The following DIAPH2 variants were observed in gnomAD, a reference collection of about 807,000 sequenced individuals.
DIAPH2 encodes diaphanous related formin 2.
A neutral mutation model predicts 92.7 loss-of-function variants in DIAPH2; 35 were observed. That is an observed-to-expected ratio of 0.38 (90% CI 0.29 to 0.50). DIAPH2 has a LOEUF of 0.50. Ranked by LOEUF, DIAPH2 falls within the 20% of genes least tolerant of loss-of-function variation. DIAPH2 has a pLI of 0.94. For missense variants in DIAPH2, 701 were observed against 819.5 expected (o/e 0.86, Z 1.77); for synonymous variants, 301 against 280.4 (o/e 1.07, Z -0.73).
intron 26 of DIAPH2, among the ~76,000 whole-genome samples, chrX:97,567,499 G>A (rs2071335650): frequency 8.9e-6 from 1 of 112,080 alleles, no homozygotes; most frequent in African/African-American, 3.2e-5. Flanking sequence ...TATGCTGAAT[G>A]AACTGAAGAT....
At chrX:97,032,542 A>G (rs1407245599) in intron 17 of DIAPH2, among the ~76,000 whole-genome samples, 1 of 110,067 alleles carries the variant, frequency 9.1e-6, no homozygotes, top group Non-Finnish European at 1.9e-5. Flanking sequence ...TAATAATAAT[A>G]GCCATTATCT....
intron 26 of DIAPH2, among the ~76,000 whole-genome samples, chrX:97,519,496 A>T (rs1489114329): frequency 8.9e-6 from 1 of 111,898 alleles, no homozygotes; most frequent in Non-Finnish European, 1.9e-5. Flanking sequence ...AAATGCTTAG[A>T]TGTCTTTAAA....
At chrX:96,887,466 CAT>C (rs2147754978) in intron 5 of DIAPH2, among the ~76,000 whole-genome samples, 1 of 111,287 alleles carries the variant, frequency 9.0e-6, no homozygotes, top group South Asian at 3.9e-4. Flanking sequence ...ACCTGAAAAA[CAT>C]AATTGATGAT....
chrX:97,070,213 A>G (rs2066660109), intron 17 of DIAPH2, among the ~76,000 whole-genome samples: 1 of 111,214 alleles, frequency 9.0e-6, no homozygotes, highest in Non-Finnish European at 1.9e-5. Context: ...TTTCATTTGT[A>G]CGGGGAAGGT....
intron 23 of DIAPH2, among the ~76,000 whole-genome samples, chrX:97,289,993 T>G (rs5966748): frequency 0.38 from 40,698 of 107,275 alleles, 5,689 homozygotes; most frequent in East Asian, 0.65. Context: ...ATTACAGGCA[T>G]GAGCCACCGC....
intron 22 of DIAPH2, among the ~76,000 whole-genome samples, chrX:97,151,823 G>A (rs969661152): frequency 8.9e-6 from 1 of 111,735 alleles, no homozygotes; most frequent in African/African-American, 3.2e-5. Flanking sequence ...TATATCAAAT[G>A]TTCTAATTTG....
intron 22 of DIAPH2, among the ~76,000 whole-genome samples, chrX:97,170,481 CAG>C (rs769510048): frequency 2.4e-4 from 27 of 111,809 alleles, no homozygotes; most frequent in Non-Finnish European, 3.2e-4. Flanking sequence ...GAAATGAAGA[CAG>C]ATAATTAAAC....
intron 24 of DIAPH2, among the ~76,000 whole-genome samples, chrX:97,359,861 C>A (rs2147704190): frequency 9.0e-6 from 1 of 111,318 alleles, no homozygotes; most frequent in South Asian, 3.8e-4. Flanking sequence ...CAGGCGTGAG[C>A]CACTGCGCCC....
At chrX:96,904,203 C>G (rs930689071) in intron 5 of DIAPH2, among the ~76,000 whole-genome samples, 9 of 111,907 alleles carry the variant, frequency 8.0e-5, no homozygotes, top group African/African-American at 2.9e-4. Flanking sequence ...CAAAACCACT[C>G]AGAGGTAGAA....
intron 3 of DIAPH2, among the ~76,000 whole-genome samples, chrX:96,750,855 T>C (rs2064182388): frequency 8.9e-6 from 1 of 112,872 alleles, no homozygotes; most frequent in Non-Finnish European, 1.9e-5. Flanking sequence ...CAAAGAAATG[T>C]ACTTCAGCTT....
At chrX:97,470,509 A>C (rs550065621) in intron 26 of DIAPH2, among the ~76,000 whole-genome samples, 352 of 110,937 alleles carry the variant, frequency 3.2e-3, no homozygotes, top group African/African-American at 0.011. Flanking sequence ...ATTTCTTTAC[A>C]TATTCGTATT....
At chrX:97,490,643 T>C (rs2070719674) in intron 26 of DIAPH2, among the ~76,000 whole-genome samples, 1 of 111,349 alleles carries the variant, frequency 9.0e-6, no homozygotes, top group Non-Finnish European at 1.9e-5. Context: ...TCTAATTTTT[T>C]TTTTAATTTC....
chrX:97,021,919 A>T (rs188098024), intron 17 of DIAPH2, among the ~76,000 whole-genome samples: 36 of 112,100 alleles, frequency 3.2e-4, no homozygotes, highest in African/African-American at 1.2e-3. Context: ...CAGGAATCTT[A>T]TAGTATAATA....
In DIAPH2 at chrX:97,141,878, A is replaced by G. The variant is rs1351064973; in HGVS notation, c.2719+84A>G. 7 of 1,025,122 alleles carry G rather than the reference A, an allele frequency of 6.8e-6. No individual in the cohort carries two copies. In the Admixed American group the frequency reaches 2.4e-4, roughly 36 times the overall value. The allele number at this position is 1,025,122 out of a possible 1,213,427, so 84.5% of individuals were successfully genotyped here. A position where few individuals can be genotyped will look rare whatever the true frequency, so the allele number is the denominator to read the frequency against. On this transcript the variant is annotated intron_variant, in intron 22 of 26. Coordinates refer to ENST00000324765, the MANE Select transcript of DIAPH2 (RefSeq NM_006729.5). ...ATTAAAGAATCTGTAAACATTATTCATAAAAGTATTTTTTGTTTGTTTACT... is the reference window on the plus strand; with the variant it reads ...ATTAAAGAATCTGTAAACATTATTCGTAAAAGTATTTTTTGTTTGTTTACT...
chrX:97,458,606 T>G (rs1011286284), intron 26 of DIAPH2, among the ~76,000 whole-genome samples: 5 of 111,793 alleles, frequency 4.5e-5, no homozygotes, highest in Non-Finnish European at 9.4e-5. Context: ...GTCCTTTTTT[T>G]GTTGGTGTTG....
intron 23 of DIAPH2, among the ~76,000 whole-genome samples, chrX:97,273,668 C>G (rs1414741609): frequency 4.5e-5 from 5 of 111,673 alleles, no homozygotes; most frequent in Non-Finnish European, 9.4e-5. Flanking sequence ...CAGTGATACT[C>G]AGATATTTTT....
chrX:97,553,500 G>A (rs758696649), intron 26 of DIAPH2, among the ~76,000 whole-genome samples: 103 of 110,769 alleles, frequency 9.3e-4, no homozygotes, highest in Non-Finnish European at 1.5e-3. Flanking sequence ...TGGGGATATT[G>A]TATATGCAGC....
At chrX:96,865,155 A>G (rs1017575182) in intron 4 of DIAPH2, among the ~76,000 whole-genome samples, 1 of 112,216 alleles carries the variant, frequency 8.9e-6, no homozygotes, top group African/African-American at 3.2e-5. Flanking sequence ...CCAAATAGTA[A>G]TGAGCCTCCA....
intron 10 of DIAPH2, among the ~76,000 whole-genome samples, chrX:96,931,654 G>A (rs767082611): frequency 4.2e-4 from 46 of 110,166 alleles, no homozygotes; most frequent in Non-Finnish European, 7.2e-4. Flanking sequence ...ATGTGTGTGC[G>A]TGTGTGTGTG....
Sources: gnomAD v4.1 joint callset for allele counts (sites outside exome capture counted in the v4.1 genomes callset) on GRCh38, gnomAD v4.1.1 for gene constraint, MANE v1.5 for transcripts, NCBI Gene and HGNC (gene_info 2026-07-23, HGNC 2026-07-21) for gene names.